Variants in DGKB observed in about 807,000 individuals in gnomAD.
The protein encoded by DGKB is 90 kDa diacylglycerol kinase.
In DGKB, 67 loss-of-function variants were observed where a neutral mutation model predicts 114.3. The ratio of observed to expected loss-of-function variants is 0.59; its 90% CI spans 0.48 to 0.72. The LOEUF (loss-of-function observed/expected upper bound fraction) is 0.72, where lower values mean the gene tolerates loss of function less well. Ranked by LOEUF, DGKB falls within the 30% of genes least tolerant of loss-of-function variation. The probability of loss-of-function intolerance (pLI) is 0.00; values close to 1 mark genes in which losing one functional copy is unlikely to be tolerated. For missense variants in DGKB, 907 were observed against 975.2 expected (o/e 0.93, Z 0.93); for synonymous variants, 398 against 323.1 (o/e 1.23, Z -2.49).
intron 20 of DGKB, among the ~76,000 whole-genome samples, chr7:14,570,123 T>A (rs1226562006): frequency 6.6e-6 from 1 of 151,174 alleles, no homozygotes; most frequent in East Asian, 1.9e-4. Flanking sequence ...TTTATCATTA[T>A]TTTTATTACT....
intron 1 of DGKB, among the ~76,000 whole-genome samples, chr7:14,973,527 G>GC (rs1383372378): frequency 1.5e-5 from 2 of 137,304 alleles, no homozygotes; most frequent in Non-Finnish European, 3.2e-5. Context: ...TTGTTTTTTT[G>GC]TTTTTTTTTT....
At chr7:14,344,859 G>C (rs149941746) in intron 22 of DGKB, among the ~76,000 whole-genome samples, 1 of 151,602 alleles carries the variant, frequency 6.6e-6, no homozygotes, top group Non-Finnish European at 1.5e-5. Flanking sequence ...TAATGAATGG[G>C]AATGGAATGG....
chr7:14,587,684 C>T (rs925655621), intron 17 of DGKB, among the ~76,000 whole-genome samples: 13 of 152,120 alleles, frequency 8.5e-5, no homozygotes, highest in Admixed American at 7.2e-4. Context: ...CCTTCAGCAA[C>T]CACCACTCTG....
At chr7:14,935,522 T>C (rs1485153696) in intron 1 of DGKB, among the ~76,000 whole-genome samples, 2 of 152,182 alleles carry the variant, frequency 1.3e-5, no homozygotes, top group Non-Finnish European at 2.9e-5. Context: ...TTCAGTCAGG[T>C]CATAGTAATC....
At chr7:14,514,920 C>T (rs912296819) in intron 20 of DGKB, among the ~76,000 whole-genome samples, 7 of 151,880 alleles carry the variant, frequency 4.6e-5, no homozygotes, top group African/African-American at 1.7e-4. Context: ...AGTGGTAGTC[C>T]GCAGTCCTAG....
chr7:14,830,986 G>A (rs991162385), intron 2 of DGKB, among the ~76,000 whole-genome samples: 1 of 151,864 alleles, frequency 6.6e-6, no homozygotes, highest in Non-Finnish European at 1.5e-5. Context: ...TTTTTAAAAT[G>A]AAATGGAAGA....
At chr7:14,740,512 C>G (rs1351210503) in intron 4 of DGKB, among the ~76,000 whole-genome samples, 2 of 152,152 alleles carry the variant, frequency 1.3e-5, no homozygotes, top group Admixed American at 6.5e-5. Context: ...TGGCTTATGA[C>G]AAGGAGGCAA....
chr7:14,244,569 C>T (rs1345082423), intron 23 of DGKB, among the ~76,000 whole-genome samples: 7 of 147,886 alleles, frequency 4.7e-5, no homozygotes, highest in Non-Finnish European at 8.9e-5. Context: ...ACTGGGGAGG[C>T]TGAGGCAGGG....
intron 20 of DGKB, among the ~76,000 whole-genome samples, chr7:14,540,425 C>A (rs563671926): frequency 2.0e-5 from 3 of 152,114 alleles, no homozygotes; most frequent in African/African-American, 7.2e-5. Flanking sequence ...GTTCATGGCC[C>A]AAATTGGCAG....
intron 23 of DGKB, among the ~76,000 whole-genome samples, chr7:14,248,733 A>T (rs1462851351): frequency 6.6e-6 from 1 of 152,060 alleles, no homozygotes; most frequent in Non-Finnish European, 1.5e-5. Context: ...TTTAATTCTA[A>T]CAGTTTTTGG....
chr7:14,695,348 G>C (rs923456880), intron 8 of DGKB, among the ~76,000 whole-genome samples: 1 of 151,950 alleles, frequency 6.6e-6, no homozygotes, highest in Non-Finnish European at 1.5e-5. Flanking sequence ...CTCTGACCGT[G>C]TCTCAAATCC....
chr7:14,778,999 T>C (rs1239555769), intron 2 of DGKB, among the ~76,000 whole-genome samples: 1 of 151,930 alleles, frequency 6.6e-6, no homozygotes, highest in Non-Finnish European at 1.5e-5. Context: ...CTACTAAAAC[T>C]ACACAAATTA....
chr7:14,419,448 C>G (rs753338704), intron 21 of DGKB, among the ~76,000 whole-genome samples: 115 of 151,828 alleles, frequency 7.6e-4, no homozygotes, highest in Non-Finnish European at 1.2e-3. Flanking sequence ...CAGATCATTA[C>G]TCCTTTTGGG....
chr7:14,637,043 A>T (rs1185570205), intron 13 of DGKB, among the ~76,000 whole-genome samples: 1 of 152,064 alleles, frequency 6.6e-6, no homozygotes, highest in South Asian at 2.1e-4. Context: ...CACATGATAC[A>T]TAGCGCACAA....
intron 23 of DGKB, among the ~76,000 whole-genome samples, chr7:14,205,754 C>T (rs1786689303): frequency 6.6e-6 from 1 of 152,004 alleles, no homozygotes; most frequent in Non-Finnish European, 1.5e-5. Flanking sequence ...TCTGATCTCT[C>T]ATTCTCAACT....
chr7:14,363,631 G>A (rs539834143), intron 21 of DGKB, among the ~76,000 whole-genome samples: 13 of 152,096 alleles, frequency 8.5e-5, no homozygotes, highest in African/African-American at 3.1e-4. Context: ...TAGCTGTGTA[G>A]CATATTTGAT....
At chr7:14,779,286 A>AG (rs1838714545) in intron 2 of DGKB, among the ~76,000 whole-genome samples, 2 of 152,246 alleles carry the variant, frequency 1.3e-5, no homozygotes, top group South Asian at 4.1e-4. Flanking sequence ...CTGTAATCCC[A>AG]GAACTTTGGG....
intron 20 of DGKB, among the ~76,000 whole-genome samples, chr7:14,521,860 G>A (rs1413665618): frequency 6.6e-6 from 1 of 151,952 alleles, no homozygotes; most frequent in Non-Finnish European, 1.5e-5. Flanking sequence ...AACTTTTTAT[G>A]CAACATAACA....
At chr7:14,203,223 C>G (rs1436350399) in intron 23 of DGKB, among the ~76,000 whole-genome samples, 1 of 148,384 alleles carries the variant, frequency 6.7e-6, no homozygotes, top group Admixed American at 6.7e-5. Flanking sequence ...CTAAGGTTTT[C>G]TATACCTAAG....
Sources: gnomAD v4.1 joint callset for allele counts (sites outside exome capture counted in the v4.1 genomes callset) on GRCh38, gnomAD v4.1.1 for gene constraint, MANE v1.5 for transcripts, NCBI Gene and HGNC (gene_info 2026-07-23, HGNC 2026-07-21) for gene names.